Variants in HCN1 observed in about 807,000 individuals in gnomAD.
HCN1 encodes the protein potassium/sodium hyperpolarization-activated cyclic nucleotide-gated channel 1.
In HCN1, 13 loss-of-function variants were observed where a neutral mutation model predicts 78.9. The ratio of observed to expected loss-of-function variants is 0.16; its 90% CI spans 0.11 to 0.26. The LOEUF is 0.26. Among genes scored for constraint, HCN1 ranks in the 10% least tolerant of loss-of-function variants. HCN1 has a pLI of 1.00. For missense variants in HCN1, 810 were observed against 1,154.3 expected (o/e 0.70, Z 4.32); for synonymous variants, 552 against 455.5 (o/e 1.21, Z -2.70).
intron 7 of HCN1, among the ~76,000 whole-genome samples, chr5:45,266,055 T>C (rs1028311058): frequency 1.1e-4 from 16 of 152,128 alleles, no homozygotes; most frequent in Non-Finnish European, 1.3e-4. Flanking sequence ...AAAGAGGGTT[T>C]AGGTGTGGAA....
chr5:45,683,721 A>G (rs1037746353), intron 1 of HCN1, among the ~76,000 whole-genome samples: 2 of 151,218 alleles, frequency 1.3e-5, no homozygotes, highest in African/African-American at 4.9e-5. Context: ...GCCTGGATGG[A>G]GTGCAGTGGT....
At chr5:45,333,595 C>T (rs1343823616) in intron 5 of HCN1, among the ~76,000 whole-genome samples, 2 of 151,672 alleles carry the variant, frequency 1.3e-5, no homozygotes, top group African/African-American at 4.8e-5. Context: ...TCAATGATTT[C>T]TTGTAGTAGC....
intron 4 of HCN1, among the ~76,000 whole-genome samples, chr5:45,378,908 T>TGATG (rs1380030120): frequency 1.3e-5 from 2 of 152,224 alleles, no homozygotes; most frequent in South Asian, 2.1e-4. Flanking sequence ...TTGCTGAGAA[T>TGATG]GATGGTTTCC....
At chr5:45,417,751 CAAAAAAAAAAAAAAA>C (rs1212611466) in intron 3 of HCN1, among the ~76,000 whole-genome samples, 3 of 14,796 alleles carry the variant, frequency 2.0e-4, no homozygotes, top group Admixed American at 6.2e-4. Flanking sequence ...TGTAGAGAGA[CAAAAAAAAAAAAAAA>C]AAAAAAAAAA....
chr5:45,434,181 A>T (rs1337931267), intron 3 of HCN1, among the ~76,000 whole-genome samples: 3 of 152,220 alleles, frequency 2.0e-5, no homozygotes, highest in African/African-American at 7.2e-5. Context: ...TTATAGACTT[A>T]ATATCTGAGT....
At chr5:45,435,495 A>G (rs1171129073) in intron 3 of HCN1, among the ~76,000 whole-genome samples, 1 of 152,182 alleles carries the variant, frequency 6.6e-6, no homozygotes, top group East Asian at 1.9e-4. Context: ...TTAGAAAACT[A>G]TATCAATAAG....
At chr5:45,345,474 GT>G (rs781642045) in intron 5 of HCN1, among the ~76,000 whole-genome samples, 4 of 152,106 alleles carry the variant, frequency 2.6e-5, no homozygotes, top group Admixed American at 6.6e-5. Context: ...ATATTTCAAA[GT>G]TTTATGCTCT....
intron 2 of HCN1, among the ~76,000 whole-genome samples, chr5:45,566,334 C>G (rs558031244): frequency 6.6e-6 from 1 of 152,010 alleles, no homozygotes; most frequent in Non-Finnish European, 1.5e-5. Context: ...ATTACTCTCC[C>G]ACATTTGTAA....
At chr5:45,409,883 T>A (rs879726141) in intron 3 of HCN1, among the ~76,000 whole-genome samples, 2 of 151,744 alleles carry the variant, frequency 1.3e-5, no homozygotes, top group Admixed American at 1.3e-4. Flanking sequence ...TACCCAACTT[T>A]ATTCAAATCT....
intron 2 of HCN1, among the ~76,000 whole-genome samples, chr5:45,540,575 C>T (rs1042903809): frequency 1.3e-5 from 2 of 152,120 alleles, no homozygotes; most frequent in Non-Finnish European, 2.9e-5. Context: ...AGGGATCTAC[C>T]TGCCTTGGCC....
At chr5:45,497,531 C>CT (rs987614626) in intron 2 of HCN1, among the ~76,000 whole-genome samples, 3 of 152,042 alleles carry the variant, frequency 2.0e-5, no homozygotes, top group African/African-American at 7.2e-5. Flanking sequence ...CAACCCCTGC[C>CT]TTTTTTTGTT....
intron 2 of HCN1, among the ~76,000 whole-genome samples, chr5:45,612,453 C>T (rs1344527267): frequency 6.6e-6 from 1 of 152,140 alleles, no homozygotes; most frequent in African/African-American, 2.4e-5. Context: ...ACAGCCAACA[C>T]ATACTGATTA....
chr5:45,582,329 G>A lies in HCN1; in HGVS notation c.849+62856C>T, dbSNP rs1020312367. On this transcript the variant is annotated intron_variant, in intron 2 of 7. Transcript: ENST00000303230. The stretch of plus-strand genomic sequence containing the variant: ...TGATTTGGCTCTCTGTTTGTCTGTT[G>A]TTGGTGTATAAGAATGCTTGTGATT... 1.3e-3 allele frequency among the ~76,000 whole-genome samples: 197 copies of A among 151,794 alleles called. 1 individual carries two copies. Among genetic ancestry groups the A allele is most frequent in the African/African-American group, 4.0e-3 (167 of 41,454 alleles).
At chr5:45,498,815 G>A (rs543271134) in intron 2 of HCN1, among the ~76,000 whole-genome samples, 1 of 152,222 alleles carries the variant, frequency 6.6e-6, no homozygotes, top group South Asian at 2.1e-4. Context: ...AGGACCCTCA[G>A]CTGCAGGTCT....
At chr5:45,455,679 C>T (rs184458403) in intron 3 of HCN1, among the ~76,000 whole-genome samples, 42 of 149,828 alleles carry the variant, frequency 2.8e-4, no homozygotes, top group African/African-American at 4.4e-4. Context: ...CTGCAAATTT[C>T]GCCCCCTATG....
chr5:45,607,056 AC>A (rs1744738683), intron 2 of HCN1, among the ~76,000 whole-genome samples: 1 of 151,812 alleles, frequency 6.6e-6, no homozygotes, highest in African/African-American at 2.4e-5. Flanking sequence ...TATTAAAATT[AC>A]CATATGAAAT....
intron 6 of HCN1, among the ~76,000 whole-genome samples, chr5:45,289,849 C>T (rs1296362978): frequency 6.6e-6 from 1 of 151,978 alleles, no homozygotes; most frequent in Non-Finnish European, 1.5e-5. Context: ...CCAGCATGGT[C>T]AGGTTCTGAT....
At chr5:45,637,334 G>A (rs948017190) in intron 2 of HCN1, among the ~76,000 whole-genome samples, 2 of 151,876 alleles carry the variant, frequency 1.3e-5, no homozygotes, top group African/African-American at 2.4e-5. Context: ...TTTATTTATC[G>A]GTTTGTCTAT....
At position 45,455,874 on chromosome 5, in the gene HCN1, C is replaced by T. The variant is rs188896790; in HGVS notation, c.1011+5972G>A. ...GGCCATTAATTATTAATTAATAGCA[C>T]AGACAGGTACCCATCTAACTGAAAG... is the stretch of plus-strand genomic sequence containing the variant. On this transcript the variant is annotated intron_variant, in intron 3 of 7. Transcript: ENST00000303230. Among the ~76,000 whole-genome samples the T allele has an allele frequency of 1.2e-3, 177 of 150,736 alleles. 1 individual carries two copies. Among genetic ancestry groups the T allele is most frequent in the Non-Finnish European group, 1.5e-3 (104 of 67,748 alleles).
Sources: allele counts gnomAD v4.1 joint callset (sites outside exome capture counted in the v4.1 genomes callset), GRCh38; gene constraint gnomAD v4.1.1; transcripts MANE v1.5; gene names NCBI Gene and HGNC (gene_info 2026-07-23, HGNC 2026-07-21).